The following MRPS28 variants were observed in gnomAD, a reference collection of about 807,000 sequenced individuals.
The protein encoded by MRPS28 is small ribosomal subunit protein bS1m.
MRPS28 carries 7 observed loss-of-function variants against 10.8 expected under a neutral mutation model. That is an observed-to-expected ratio of 0.65 (90% CI 0.37 to 1.22). The LOEUF is 1.22. MRPS28 is among the 50% of genes most tolerant of loss of function. MRPS28 has a pLI of 0.02. For synonymous variants in MRPS28, 121 were observed against 93.3 expected, an observed-to-expected ratio of 1.30 and a Z score of -1.71; for missense variants, 265 against 232.9, an observed-to-expected ratio of 1.14 and a Z score of -0.90.
At chr8:79,927,310 C>G (rs926050373) in intron 2 of MRPS28, among the ~76,000 whole-genome samples, 1 of 152,206 alleles carries the variant, frequency 6.6e-6, no homozygotes, top group Non-Finnish European at 1.5e-5. Context: ...ATAACACTTG[C>G]TCCATACACA....
At chr8:79,981,648 C>T (rs759202990) in intron 2 of MRPS28, among the ~76,000 whole-genome samples, 4 of 152,228 alleles carry the variant, frequency 2.6e-5, no homozygotes, top group Admixed American at 6.5e-5. Context: ...AAAATATGTA[C>T]GTTTACAGCA....
chr8:80,019,947 C>T (rs1352387416), intron 1 of MRPS28, among the ~76,000 whole-genome samples: 2 of 152,072 alleles, frequency 1.3e-5, no homozygotes, highest in Non-Finnish European at 2.9e-5. Context: ...TCCTGAGACA[C>T]GTGCCCAAGG....
At chr8:79,930,429 A>T (rs540917205) in intron 2 of MRPS28, among the ~76,000 whole-genome samples, 47 of 152,362 alleles carry the variant, frequency 3.1e-4, no homozygotes, top group Non-Finnish European at 4.6e-4. Context: ...CAAGCATTCT[A>T]TACGTTTGTA....
intron 2 of MRPS28, among the ~76,000 whole-genome samples, chr8:79,919,416 C>T (rs887302928): frequency 6.6e-6 from 1 of 151,962 alleles, no homozygotes; most frequent in Non-Finnish European, 1.5e-5. Context: ...TCAGAGCTTA[C>T]CGTAACTTCA....
rs528175683 is a variant in MRPS28 at position 79,975,321 on chromosome 8, A to T, written c.395+27678T>A. On this transcript the variant is annotated intron_variant, in intron 2 of 2. Transcript: ENST00000276585. ...TGGAAAAGATAATTAATTAATTAAC[A>T]CTGAAATATACAACTATAAAATACT... Among the ~76,000 whole-genome samples, 10 of 152,268 alleles carry T rather than the reference A, an allele frequency of 6.6e-5. No individual in the cohort carries two copies. In the South Asian group the frequency reaches 2.1e-3, roughly 32 times the overall value.
At chr8:80,009,332 G>A (rs931241396) in intron 1 of MRPS28, among the ~76,000 whole-genome samples, 3 of 151,952 alleles carry the variant, frequency 2.0e-5, no homozygotes, top group East Asian at 1.9e-4. Flanking sequence ...TGTAAATGAC[G>A]AGTTAATGGG....
At chr8:79,928,580 T>C (rs1169724024) in intron 2 of MRPS28, among the ~76,000 whole-genome samples, 3 of 151,808 alleles carry the variant, frequency 2.0e-5, no homozygotes, top group Admixed American at 6.6e-5. Flanking sequence ...GCTGGGATTA[T>C]AGGTGTGTGC....
In MRPS28 at chr8:79,919,013, G is replaced by A. The variant is rs751124507; in HGVS notation, c.531C>T (p.Asp177=). 1 of 1,579,012 alleles carries A rather than the reference G, an allele frequency of 6.3e-7. No individual in the cohort carries two copies. The highest frequency in any genetic ancestry group is 2.3e-5 in the East Asian group (1 of 44,292). Reference sequence around the variant, plus strand: ...CATGATGTTCTTCTTTCGATCTTGAGTCTTTACTCTCCTGGATTCCCAAGA... The same window carrying A: ...CATGATGTTCTTCTTTCGATCTTGAATCTTTACTCTCCTGGATTCCCAAGA... The part of the protein sequence containing the change: ...AVLLGIQESK[D]SRSKEEHHEK Residue 177 remains aspartate (D), a synonymous_variant, in exon 3 of 3, where the codon GAC becomes GAT. Coordinates refer to ENST00000276585, the MANE Select transcript of MRPS28 (RefSeq NM_014018.3).
rs2058218316 is a variant in MRPS28, at chr8:80,006,041, C to A, written c.214-2861G>T. 1.3e-5 allele frequency among the ~76,000 whole-genome samples: 2 copies of A among 152,164 alleles called. 1 individual carries two copies. Among genetic ancestry groups the A allele is most frequent in the South Asian group, 4.1e-4 (2 of 4,824 alleles). On this transcript the variant is annotated intron_variant, in intron 1 of 2. Coordinates refer to ENST00000276585, the MANE Select transcript of MRPS28 (RefSeq NM_014018.3). ...ACTCCCACATAATAATAATGGGAGA[C>A]TTTAACACCCCACTGTCAACATTAG...
chr8:79,921,919 T>C (rs1044018246), intron 2 of MRPS28, among the ~76,000 whole-genome samples: 9 of 152,218 alleles, frequency 5.9e-5, no homozygotes, highest in Non-Finnish European at 1.0e-4. Context: ...GGCTGTGGGT[T>C]TGTCATAGAC....
chr8:79,919,066 T>C lies in MRPS28; in HGVS notation c.478A>G (p.Thr160Ala), dbSNP rs1289054087. The change falls in exon 3 of 3, where the codon ACA becomes GCA. Residue 160 changes from threonine (T) to alanine (A), a missense_variant. Thr to Ala is a moderately conservative substitution (Grantham distance 58). Transcript: ENST00000276585. The stretch of plus-strand genomic sequence containing the variant: ...ACTGCATTAGCCTCTAGTACAGTTG[T>C]ATCTGTTGTTGCTCCCAGGAACCTA... ...TSRFLGATTD[T>A]TVLEANAVLL... 2 of 1,611,760 alleles carry C rather than the reference T, an allele frequency of 1.2e-6. No individual in the cohort carries two copies. Among genetic ancestry groups the C allele is most frequent in the Non-Finnish European group, 1.7e-6 (2 of 1,179,058 alleles).
chr8:80,014,202 CA>C (rs1454844601), intron 1 of MRPS28, among the ~76,000 whole-genome samples: 2 of 152,128 alleles, frequency 1.3e-5, no homozygotes, highest in Non-Finnish European at 2.9e-5. Context: ...TAGCTAAAAA[CA>C]ACAGAGGCAG....
intron 2 of MRPS28, among the ~76,000 whole-genome samples, chr8:79,949,264 A>T (rs1031831948): frequency 1.3e-5 from 2 of 152,116 alleles, no homozygotes; most frequent in African/African-American, 4.8e-5. Flanking sequence ...AATACAAAAA[A>T]TTAGCCAGGC....
In MRPS28 at chr8:79,949,642, C is replaced by A. The variant is rs77242902; in HGVS notation, c.396-30494G>T. 3.4e-3 allele frequency among the ~76,000 whole-genome samples: 511 copies of A among 152,266 alleles called. 20 individuals are homozygous for A. The East Asian group carries it at 0.088, about 26-fold the overall frequency. ...TGTAGTATAATTAATATGTACATTA[C>A]AGTTCCCGGTATATCTACATGAGTT... On this transcript the variant is annotated intron_variant, in intron 2 of 2. Transcript: ENST00000276585.
At chr8:79,964,150 G>GA (rs1242113897) in intron 2 of MRPS28, among the ~76,000 whole-genome samples, 1 of 152,106 alleles carries the variant, frequency 6.6e-6, no homozygotes, top group African/African-American at 2.4e-5. Context: ...TTACTCAACA[G>GA]AGATTGCTGA....
intron 2 of MRPS28, among the ~76,000 whole-genome samples, chr8:79,933,073 T>C (rs1040172728): frequency 6.6e-6 from 1 of 152,210 alleles, no homozygotes; most frequent in South Asian, 2.1e-4. Flanking sequence ...ACCTTTTTTA[T>C]TTTCTACAAC....
At chr8:79,969,828 A>T (rs1371967700) in intron 2 of MRPS28, among the ~76,000 whole-genome samples, 2 of 152,224 alleles carry the variant, frequency 1.3e-5, no homozygotes, top group African/African-American at 4.8e-5. Flanking sequence ...TAAAGTGAGC[A>T]TCTTCTGTAA....
intron 2 of MRPS28, among the ~76,000 whole-genome samples, chr8:79,929,756 A>C (rs1385427085): frequency 6.6e-6 from 1 of 152,196 alleles, no homozygotes; most frequent in African/African-American, 2.4e-5. Flanking sequence ...GGTGGAAATC[A>C]CAGGGAATTT....
intron 1 of MRPS28, among the ~76,000 whole-genome samples, chr8:80,005,070 T>C (rs1808791429): frequency 6.6e-6 from 1 of 152,312 alleles, no homozygotes. Context: ...CTTCAGGATA[T>C]TATCCAGGAG....
Sources: allele counts gnomAD v4.1 joint callset (sites outside exome capture counted in the v4.1 genomes callset), GRCh38; gene constraint gnomAD v4.1.1; transcripts MANE v1.5; gene names NCBI Gene and HGNC (gene_info 2026-07-23, HGNC 2026-07-21).